SCMH1: variants seen among roughly 807,000 people sequenced by gnomAD.
SCMH1 encodes the protein polycomb protein SCMH1.
A neutral mutation model predicts 70.8 loss-of-function variants in SCMH1; 37 were observed. That is an observed-to-expected ratio of 0.52 (90% CI 0.40 to 0.69). SCMH1 has a LOEUF of 0.69. SCMH1 is among the 30% of genes least tolerant of loss of function. The pLI is 0.00. For missense variants in SCMH1, 607 were observed against 827.3 expected (o/e 0.73, Z 3.27); for synonymous variants, 292 against 307.4 (o/e 0.95, Z 0.52).
At chr1:41,103,219 C>T (rs1440393609) in intron 8 of SCMH1, among the ~76,000 whole-genome samples, 1 of 151,890 alleles carries the variant, frequency 6.6e-6, no homozygotes, top group Non-Finnish European at 1.5e-5. Context: ...GAAACCTCCA[C>T]CTCCCAGGTT....
intron 2 of SCMH1, among the ~76,000 whole-genome samples, chr1:41,172,617 G>C (rs1442227282): frequency 6.6e-6 from 1 of 151,910 alleles, no homozygotes; most frequent in Non-Finnish European, 1.5e-5. Flanking sequence ...TAAAGTCTCT[G>C]AATAGCCAAA....
chr1:41,221,168 A>G (rs1659170494), intron 1 of SCMH1, among the ~76,000 whole-genome samples: 1 of 152,212 alleles, frequency 6.6e-6, no homozygotes. Flanking sequence ...GACGAATGTT[A>G]TATAATTCCT....
intron 10 of SCMH1, among the ~76,000 whole-genome samples, chr1:41,064,093 C>T (rs1338884900): frequency 6.6e-6 from 1 of 152,102 alleles, no homozygotes; most frequent in Non-Finnish European, 1.5e-5. Flanking sequence ...ACTCAACATT[C>T]AAAAATCAAT....
chr1:41,151,589 A>C, intron 5 of SCMH1, 25 bp downstream of exon 5: 1 of 1,577,210 alleles, frequency 6.3e-7, no homozygotes, highest in Admixed American at 1.7e-5. Context: ...TCTTCCACCT[A>C]CTAAAGATGT....
At chr1:41,171,023 C>T (rs1316192322) in intron 2 of SCMH1, among the ~76,000 whole-genome samples, 1 of 152,212 alleles carries the variant, frequency 6.6e-6, no homozygotes, top group Non-Finnish European at 1.5e-5. Flanking sequence ...TCTTCCCCAA[C>T]CCAGTAAATG....
chr1:41,039,937 C>T (rs529814407), intron 12 of SCMH1, among the ~76,000 whole-genome samples: 2 of 136,792 alleles, frequency 1.5e-5, no homozygotes, highest in South Asian at 4.8e-4. Context: ...TATAATTTTA[C>T]CTTTGCCAAA....
In SCMH1 at chr1:41,239,105, TAAATAA is replaced by T. The variant is rs148325639; in HGVS notation, c.-118+2948_-118+2953del. On this transcript the variant is annotated intron_variant, in intron 1 of 14. Coordinates refer to ENST00000337495, the Ensembl canonical transcript of SCMH1. ...TGTCTGATAGACACCTTCCAGTGAT[TAAATAA>T]AAATAAAAAAAAAACACCTACTGAA... 7.5e-3 allele frequency among the ~76,000 whole-genome samples: 1,110 copies of T among 147,414 alleles called. 16 individuals are homozygous for T. Among genetic ancestry groups the T allele is most frequent in the African/African-American group, 0.025 (1,051 of 41,304 alleles).
At chr1:41,128,712 A>C (rs1673853901) in intron 6 of SCMH1, among the ~76,000 whole-genome samples, 1 of 151,996 alleles carries the variant, frequency 6.6e-6, no homozygotes, top group African/African-American at 2.4e-5. Context: ...AGTATTCAAA[A>C]ATTTTTCAAG....
At chr1:41,046,559 G>T in exon 12 of SCMH1, 2 of 1,614,222 alleles carry the variant, frequency 1.2e-6, no homozygotes, top group Non-Finnish European at 1.7e-6. Context: ...GCTGTTGACT[G>T]CTGGGAGGTT....
chr1:41,029,404 TGGCCTGG>T (rs1418831863), intron 13 of SCMH1, among the ~76,000 whole-genome samples: 1 of 152,208 alleles, frequency 6.6e-6, no homozygotes, highest in African/African-American at 2.4e-5. Context: ...TTCACCATGT[TGGCCTGG>T]CTGGTCTTGA....
chr1:41,162,851 C>T (rs1454222034), intron 2 of SCMH1: 13 of 152,286 alleles, frequency 8.5e-5, no homozygotes, highest in Non-Finnish European at 1.5e-4. Flanking sequence ...TGAGTCTTCT[C>T]TGAGCTGTTC....
exon 15 of SCMH1, chr1:41,027,356 C>G (rs142406364): frequency 2.6e-5 from 4 of 152,466 alleles, no homozygotes; most frequent in African/African-American, 9.6e-5. Context: ...CTCCCATCCC[C>G]CTTAGCGCCT....
rs553284212 is a variant in SCMH1, at chr1:41,092,946, A to G, written c.746-17495T>C. The stretch of plus-strand genomic sequence containing the variant: ...GGTGGGACTGTAAACTAGTTCAACC[A>G]TTGTGGAAGACAGTGTGGCGATTCC... On this transcript the variant is annotated intron_variant, in intron 8 of 14. Transcript: ENST00000337495. 4.6e-5 allele frequency among the ~76,000 whole-genome samples: 7 copies of G among 152,356 alleles called. No homozygotes were observed. In the South Asian group the frequency reaches 1.5e-3, roughly 32 times the overall value.
chr1:41,089,648 T>C (rs1662745680), intron 8 of SCMH1, among the ~76,000 whole-genome samples: 1 of 152,090 alleles, frequency 6.6e-6, no homozygotes, highest in Non-Finnish European at 1.5e-5. Flanking sequence ...AAACCTTCAA[T>C]AGCTTCCCCT....
At chr1:41,173,368 C>T (rs1411482569) in intron 2 of SCMH1, among the ~76,000 whole-genome samples, 1 of 152,136 alleles carries the variant, frequency 6.6e-6, no homozygotes, top group Non-Finnish European at 1.5e-5. Context: ...ATGAAAAATG[C>T]TCAACATCAC....
At chr1:41,190,368 G>A (rs1651397288) in intron 1 of SCMH1, among the ~76,000 whole-genome samples, 2 of 152,140 alleles carry the variant, frequency 1.3e-5, no homozygotes, top group Admixed American at 6.5e-5. Context: ...TAGAACCAGT[G>A]GGTGGAAGCT....
At position 41,238,080 on chromosome 1, in the gene SCMH1, A is replaced by T. The variant is rs1423940938; in HGVS notation, c.-118+3979T>A. ...AAGGACACTGAAGCTCACAGAGGCT[A>T]AATAATTTGTTTACAGTCATAAAGC... On this transcript the variant is annotated intron_variant, in intron 1 of 14. Coordinates refer to ENST00000337495, the Ensembl canonical transcript of SCMH1. Among the ~76,000 whole-genome samples, 5 of 152,350 alleles carry T rather than the reference A, an allele frequency of 3.3e-5. No homozygotes were observed. In the East Asian group the frequency reaches 9.6e-4, roughly 29 times the overall value.
chr1:41,099,312 T>C (rs923991395), intron 8 of SCMH1, among the ~76,000 whole-genome samples: 1 of 152,172 alleles, frequency 6.6e-6, no homozygotes, highest in African/African-American at 2.4e-5. Flanking sequence ...CCAACACACA[T>C]TTCAAACGCA....
intron 6 of SCMH1, among the ~76,000 whole-genome samples, chr1:41,120,891 T>C (rs961129071): frequency 6.6e-6 from 1 of 152,202 alleles, no homozygotes; most frequent in Non-Finnish European, 1.5e-5. Context: ...ATCTCTTTTA[T>C]TACACTATGT....
Sources: allele counts gnomAD v4.1 joint callset (sites outside exome capture counted in the v4.1 genomes callset), GRCh38; gene constraint gnomAD v4.1.1; transcripts MANE v1.5; gene names NCBI Gene and HGNC (gene_info 2026-07-23, HGNC 2026-07-21).